The following TSHZ2 variants were observed in gnomAD, a reference collection of about 807,000 sequenced individuals.
TSHZ2 encodes teashirt homolog 2.
In TSHZ2, 21 loss-of-function variants were observed where a neutral mutation model predicts 74.4. The ratio of observed to expected loss-of-function variants is 0.28; its 90% CI spans 0.20 to 0.41. The LOEUF (loss-of-function observed/expected upper bound fraction) is 0.41. Among genes scored for constraint, TSHZ2 ranks in the 10% least tolerant of loss-of-function variants. The pLI is 1.00. For synonymous variants in TSHZ2, 540 were observed against 515.3 expected, an observed-to-expected ratio of 1.05 and a Z score of -0.65; for missense variants, 1,244 against 1,293.5, an observed-to-expected ratio of 0.96 and a Z score of 0.59.
At chr20:53,060,535 T>A (rs145507015) in intron 1 of TSHZ2, among the ~76,000 whole-genome samples, 8 of 152,342 alleles carry the variant, frequency 5.3e-5, no homozygotes, top group African/African-American at 1.9e-4. Flanking sequence ...ATTGACAGAA[T>A]AAGTTATGCT....
At chr20:53,470,996 C>T (rs1487822192) in intron 2 of TSHZ2, among the ~76,000 whole-genome samples, 25 of 151,994 alleles carry the variant, frequency 1.6e-4, no homozygotes, top group Non-Finnish European at 4.4e-5. Context: ...AATATTTATC[C>T]AATATGTTTC....
chr20:53,244,912 T>C (rs115967338), intron 1 of TSHZ2, among the ~76,000 whole-genome samples: 149 of 152,356 alleles, frequency 9.8e-4, no homozygotes, highest in African/African-American at 3.4e-3. Flanking sequence ...TCTTTTCTTA[T>C]GCATTCTTAT....
chr20:53,058,623 GA>G (rs1984722325), intron 1 of TSHZ2, among the ~76,000 whole-genome samples: 1 of 152,130 alleles, frequency 6.6e-6, no homozygotes, highest in Non-Finnish European at 1.5e-5. Flanking sequence ...GACAGTAGGA[GA>G]AAAAAAGCAC....
chr20:53,170,096 C>T (rs542262096), intron 1 of TSHZ2, among the ~76,000 whole-genome samples: 1 of 152,314 alleles, frequency 6.6e-6, no homozygotes, highest in Admixed American at 6.5e-5. Context: ...GGAAAATCAA[C>T]TCTAGCAGAG....
At position 53,254,777 on chromosome 20, in the gene TSHZ2, C is replaced by T. The variant is rs1319183835; in HGVS notation, c.1319C>T (p.Ser440Phe). ...TTGTCTGAGGCCCCAAACAGTGATT[C>T]TCTGGCTCCCAAGCCATCCAGTAAC... ...QSLSEAPNSDSLAPKPSSNSA... is the reference protein window; with the variant it reads ...QSLSEAPNSDFLAPKPSSNSA... The change falls in exon 2 of 3, where the codon TCT (serine) becomes TTT (phenylalanine). Residue 440 changes from serine (S) to phenylalanine (F), a missense_variant. By Grantham distance (155) the Ser-to-Phe change is radical. This residue lies in a region of TSHZ2 where 562 missense variants were observed against 544.0 expected (regional missense o/e 1.03). Transcript: ENST00000371497. 6.2e-7 allele frequency: 1 copy of T among 1,613,140 alleles called. No individual in the cohort carries two copies. The highest frequency in any genetic ancestry group is 1.3e-5 in the African/African-American group (1 of 74,914).
intron 1 of TSHZ2, among the ~76,000 whole-genome samples, chr20:53,151,079 A>G (rs1423659960): frequency 5.3e-5 from 8 of 152,226 alleles, no homozygotes; most frequent in Non-Finnish European, 1.2e-4. Context: ...TTAAGGCCTT[A>G]TCATATCACG....
intron 1 of TSHZ2, among the ~76,000 whole-genome samples, chr20:53,184,601 T>A (rs1460903485): frequency 5.9e-5 from 9 of 152,250 alleles, no homozygotes; most frequent in Admixed American, 5.9e-4. Context: ...TGTGCATATA[T>A]GTATATTTAA....
intron 1 of TSHZ2, among the ~76,000 whole-genome samples, chr20:53,148,261 T>C (rs1987592410): frequency 6.6e-6 from 1 of 152,174 alleles, no homozygotes; most frequent in African/African-American, 2.4e-5. Flanking sequence ...TGGGGCAACT[T>C]CATTTCTCAG....
chr20:53,006,138 G>A (rs1982635886), intron 1 of TSHZ2, among the ~76,000 whole-genome samples: 1 of 152,184 alleles, frequency 6.6e-6, no homozygotes, highest in Admixed American at 6.5e-5. Flanking sequence ...AAAGTTGTAA[G>A]ATGTTCAACA....
At chr20:53,392,512 T>C (rs1982294283) in intron 2 of TSHZ2, among the ~76,000 whole-genome samples, 1 of 152,158 alleles carries the variant, frequency 6.6e-6, no homozygotes, top group Non-Finnish European at 1.5e-5. Context: ...AGATGTAATA[T>C]TAAGTCAGGA....
intron 1 of TSHZ2, among the ~76,000 whole-genome samples, chr20:53,229,351 T>A (rs1410550402): frequency 6.6e-6 from 1 of 152,300 alleles, no homozygotes; most frequent in East Asian, 1.9e-4. Flanking sequence ...CCTCCAGCAA[T>A]GCCACCTTGC....
At chr20:53,393,279 T>C (rs1982327805) in intron 2 of TSHZ2, among the ~76,000 whole-genome samples, 1 of 152,246 alleles carries the variant, frequency 6.6e-6, no homozygotes, top group South Asian at 2.1e-4. Context: ...CCCTTGTTCC[T>C]GCATTAATCC....
chr20:53,125,270 G>A (rs1225580831), intron 1 of TSHZ2, among the ~76,000 whole-genome samples: 1 of 152,186 alleles, frequency 6.6e-6, no homozygotes, highest in Non-Finnish European at 1.5e-5. Flanking sequence ...AGGCCGTAGA[G>A]GAGAGAAGTC....
intron 1 of TSHZ2, among the ~76,000 whole-genome samples, chr20:53,014,844 G>A (rs558830147): frequency 1.3e-5 from 2 of 152,046 alleles, no homozygotes; most frequent in Non-Finnish European, 2.9e-5. Flanking sequence ...CCAGTACAAC[G>A]CTTCGTACAG....
intron 1 of TSHZ2, among the ~76,000 whole-genome samples, chr20:53,204,899 C>T (rs1989126250): frequency 6.6e-6 from 1 of 151,668 alleles, no homozygotes; most frequent in Non-Finnish European, 1.5e-5. Context: ...GACCAACATG[C>T]TGAAACCCTG....
chr20:52,983,976 G>C (rs973809090), intron 1 of TSHZ2, among the ~76,000 whole-genome samples: 4 of 152,228 alleles, frequency 2.6e-5, no homozygotes, highest in Admixed American at 6.5e-5. Flanking sequence ...AAGCTAATGG[G>C]AATAGGCTAC....
intron 2 of TSHZ2, among the ~76,000 whole-genome samples, chr20:53,316,377 C>A (rs752759993): frequency 3.3e-5 from 5 of 151,940 alleles, no homozygotes; most frequent in Non-Finnish European, 5.9e-5. Flanking sequence ...GAAAAAGAAC[C>A]CTCCAGGAGC....
In TSHZ2 at chr20:53,260,157, A is replaced by T. The variant is rs770189682; in HGVS notation, c.*8+3586A>T. On this transcript the variant is annotated intron_variant, in intron 2 of 2. Coordinates refer to ENST00000371497, the MANE Select transcript of TSHZ2 (RefSeq NM_173485.6). ...CTTTTACTATGCACCGGACTCTATT[A>T]TATTTAACAATGGAAGTATAATACT... Among the ~76,000 whole-genome samples, 42 of 152,092 alleles carry T rather than the reference A, an allele frequency of 2.8e-4. 1 individual carries two copies. The highest frequency in any genetic ancestry group is 1.2e-3 in the Admixed American group (18 of 15,272).
intron 1 of TSHZ2, among the ~76,000 whole-genome samples, chr20:52,984,751 T>C (rs1306188455): frequency 6.6e-6 from 1 of 152,056 alleles, no homozygotes; most frequent in Non-Finnish European, 1.5e-5. Context: ...TCAAGAGGCG[T>C]CTACATCAAT....
Sources: allele counts gnomAD v4.1 joint callset (sites outside exome capture counted in the v4.1 genomes callset), GRCh38; gene constraint gnomAD v4.1.1; regional missense constraint gnomAD v4.1.1; transcripts MANE v1.5; gene names NCBI Gene and HGNC (gene_info 2026-07-23, HGNC 2026-07-21).